Variants in PLAGL1 observed in about 807,000 individuals in gnomAD.
PLAGL1 encodes the protein zinc finger protein PLAGL1.
In PLAGL1, 1 loss-of-function variant was observed where a neutral mutation model predicts 4.6. The ratio of observed to expected loss-of-function variants is 0.22; its 90% CI spans 0.08 to 1.03. The LOEUF (loss-of-function observed/expected upper bound fraction) is 1.03. Ranked by LOEUF, PLAGL1 falls within the 50% of genes least tolerant of loss-of-function variation. The pLI is 0.58. For missense variants in PLAGL1, 464 were observed against 570.4 expected, an observed-to-expected ratio of 0.81 and a Z score of 1.90; for synonymous variants, 240 against 237.8, an observed-to-expected ratio of 1.01 and a Z score of -0.08.
chr6:143,998,138 T>C lies in PLAGL1; in HGVS notation c.-584+9952A>G, dbSNP rs867732909. ...CCAAAATTAGAATATTCAAACCTTA[T>C]TCATTAGTATCAACAAAAACTTGGA... On this transcript the variant is annotated intron_variant, in intron 1 of 7. Coordinates refer to ENST00000674357, the MANE Select transcript of PLAGL1 (RefSeq NM_001317162.2). 4.6e-5 allele frequency among the ~76,000 whole-genome samples: 7 copies of C among 152,172 alleles called. No homozygotes were observed. In the South Asian group the frequency reaches 1.4e-3, roughly 32 times the overall value.
chr6:143,977,699 C>A (rs1218979333), intron 2 of PLAGL1, among the ~76,000 whole-genome samples: 1 of 151,924 alleles, frequency 6.6e-6, no homozygotes, highest in African/African-American at 2.4e-5. Context: ...ACAGTTTCAC[C>A]ATGTTGGCCA....
At chr6:144,011,158 C>G (rs76311854), upstream of PLAGL1, among the ~76,000 whole-genome samples, 36,697 of 152,000 alleles carry the variant, frequency 0.24, 4,628 homozygotes, top group Admixed American at 0.35. The surrounding 1 kb of genome is among the most constrained non-coding windows in gnomAD (Gnocchi z 4.3). Context: ...TATCATCAGA[C>G]TGAACAGGCA....
chr6:144,032,956 T>C (rs1796941002), intron 1 of PLAGL1, among the ~76,000 whole-genome samples: 1 of 152,202 alleles, frequency 6.6e-6, no homozygotes, highest in Non-Finnish European at 1.5e-5. Context: ...AATAGACATG[T>C]GATAGATAAT....
At position 143,991,191 on chromosome 6, in the gene PLAGL1, G is replaced by A. The variant is rs375919889; in HGVS notation, c.-583-6017C>T. On this transcript the variant is annotated intron_variant, in intron 1 of 7. Coordinates refer to ENST00000674357, the MANE Select transcript of PLAGL1 (RefSeq NM_001317162.2). ...GCTATGAAGAAACACCTCAGAAACT[G>A]ACTTATATATCATAATGGAACTTTA... Among the ~76,000 whole-genome samples, 11 of 152,304 alleles carry A rather than the reference G, an allele frequency of 7.2e-5. No homozygotes were observed. In the South Asian group the frequency reaches 2.1e-3, roughly 29 times the overall value.
In PLAGL1 at chr6:143,942,162, G is replaced by C. The variant is rs370449852; in HGVS notation, c.654C>G (p.Thr218=). ...TGTGGAAGGTGCTCAGAAGGTCTCC[G>C]GTCTGCAAGCTCTCTTTCATCAGCT... is the stretch of plus-strand genomic sequence containing the variant. ...SQELMKESLQ[T]GDLLSTFHTI... The change falls in exon 8 of 8, where the codon ACC becomes ACG. Residue 218 remains threonine, a synonymous_variant. Coordinates refer to ENST00000674357, the MANE Select transcript of PLAGL1 (RefSeq NM_001317162.2). This position sits in a 1 kb window ranked among gnomAD's most constrained non-coding sequence, Gnocchi z 7.6. The C allele has an allele frequency of 3.7e-6, 6 of 1,614,158 alleles. No homozygotes were observed. The South Asian group carries it at 6.6e-5, about 18-fold the overall frequency.
rs1340276487 is a variant in PLAGL1, at chr6:144,022,842, C to T, written c.-151+41626G>A. 2.0e-5 allele frequency among the ~76,000 whole-genome samples: 3 copies of T among 152,286 alleles called. No homozygotes were observed. The highest frequency in any genetic ancestry group is 3.4e-3 in the Middle Eastern group (1 of 294). ...GTCTTTATTGCAGCATGAGAACAGA[C>T]TAATACACACAGACTTCCCATACTA... On this transcript the variant is annotated intron_variant, in intron 1 of 3. Coordinates refer to the PLAGL1 transcript ENST00000437412. This position sits in a 1 kb window ranked among gnomAD's most constrained non-coding sequence, Gnocchi z 4.2.
rs977543674 is a variant in PLAGL1, at chr6:143,949,554, A to G, written c.-324-1094T>C. Among the ~76,000 whole-genome samples the G allele has an allele frequency of 3.9e-5, 6 of 152,146 alleles. No homozygotes were observed. The highest frequency in any genetic ancestry group is 8.8e-5 in the Non-Finnish European group (6 of 68,030). ...TTCAAATCGGCCTCTACCTGCCACT[A>G]CCTGCCAGGGTAAAGCCCTGGATCA... is the stretch of plus-strand genomic sequence containing the variant. On this transcript the variant is annotated intron_variant, in intron 6 of 7. Transcript: ENST00000674357. This position sits in a 1 kb window ranked among gnomAD's most constrained non-coding sequence, Gnocchi z 5.3.
chr6:144,049,497 G>A (rs1216857945), intron 1 of PLAGL1, among the ~76,000 whole-genome samples: 3 of 152,210 alleles, frequency 2.0e-5, no homozygotes, highest in African/African-American at 7.2e-5. Context: ...GAGGCATCAG[G>A]AAACTTACAA....
intron 1 of PLAGL1, among the ~76,000 whole-genome samples, chr6:144,052,268 G>C: frequency 6.6e-6 from 1 of 152,162 alleles, no homozygotes; most frequent in East Asian, 1.9e-4. Context: ...ACCAAAGAAG[G>C]AGCAATCAGT....
At chr6:144,008,934 G>A (rs1239290849), upstream of PLAGL1, 2 of 152,186 alleles carry the variant, frequency 1.3e-5, no homozygotes, top group Non-Finnish European at 2.9e-5. This position sits in a 1 kb window ranked among gnomAD's most constrained non-coding sequence, Gnocchi z 6.9. Context: ...ATCACACTAC[G>A]TCTGCTTCAT....
At position 143,970,957 on chromosome 6, in the gene PLAGL1, G is replaced by A. The variant is rs542867791; in HGVS notation, c.-543-1979C>T. ...CTGCTGAAAGCTGAAACATCAAATG[G>A]AAAAGTGCAGTTTGATTTCCTACAT... On this transcript the variant is annotated intron_variant, in intron 2 of 7. Transcript: ENST00000674357. The surrounding 1 kb of genome is among the most constrained non-coding windows in gnomAD (Gnocchi z 5.8). 4.5e-4 allele frequency among the ~76,000 whole-genome samples: 69 copies of A among 152,186 alleles called. No individual in the cohort carries two copies. Among genetic ancestry groups the A allele is most frequent in the Middle Eastern group, 3.4e-3 (1 of 294 alleles).
intron 1 of PLAGL1, among the ~76,000 whole-genome samples, chr6:144,017,214 C>T (rs935336964): frequency 2.6e-5 from 4 of 151,896 alleles, no homozygotes; most frequent in Admixed American, 6.6e-5. Context: ...TTTTTTAAAG[C>T]GCATCGCTTC....
rs1778948819 is a variant in PLAGL1 at position 143,942,894 on chromosome 6, C to G, written c.153-231G>C. On this transcript the variant is annotated intron_variant, in intron 7 of 7. Transcript: ENST00000674357. This position sits in a 1 kb window ranked among gnomAD's most constrained non-coding sequence, Gnocchi z 7.6. ...TATAAAACGTTTTTTGAGACAGGAT[C>G]TGACTCTTTTGCCCAGGCTGGAGTG... Among the ~76,000 whole-genome samples, 1 of 151,478 alleles carries G rather than the reference C, an allele frequency of 6.6e-6. No individual in the cohort carries two copies. The highest frequency in any genetic ancestry group is 2.4e-5 in the African/African-American group (1 of 40,820).
chr6:144,029,973 A>G (rs1796674560), intron 1 of PLAGL1, among the ~76,000 whole-genome samples: 1 of 152,080 alleles, frequency 6.6e-6, no homozygotes. Context: ...ATAAATTTTG[A>G]CTGGGCGCGG....
chr6:143,948,899 G>A lies in PLAGL1; in HGVS notation c.-324-439C>T, dbSNP rs1780409565. On this transcript the variant is annotated intron_variant, in intron 6 of 7. Transcript: ENST00000674357. The surrounding 1 kb of genome is among the most constrained non-coding windows in gnomAD (Gnocchi z 6.0). Reference sequence around the variant, plus strand: ...GGGCTCTTCCTCATCACTCATTGTTGGCATAACATTAGTTGCTTATCACAC... The same window carrying A: ...GGGCTCTTCCTCATCACTCATTGTTAGCATAACATTAGTTGCTTATCACAC... Among the ~76,000 whole-genome samples, 1 of 152,158 alleles carries A rather than the reference G, an allele frequency of 6.6e-6. No homozygotes were observed. Among genetic ancestry groups the A allele is most frequent in the Non-Finnish European group, 1.5e-5 (1 of 68,042 alleles).
chr6:144,028,624 C>A (rs936104792), intron 1 of PLAGL1, among the ~76,000 whole-genome samples: 1 of 152,198 alleles, frequency 6.6e-6, no homozygotes, highest in Non-Finnish European at 1.5e-5. Context: ...ACATTCCCTG[C>A]AATCCTGATA....
At chr6:144,041,503 G>A (rs551951037) in intron 1 of PLAGL1, among the ~76,000 whole-genome samples, 12 of 152,102 alleles carry the variant, frequency 7.9e-5, no homozygotes, top group Non-Finnish European at 1.5e-4. Flanking sequence ...CCCTAAAAAG[G>A]ACATGAACTC....
chr6:143,956,205 T>A (rs1170038767), intron 6 of PLAGL1, among the ~76,000 whole-genome samples: 4 of 152,204 alleles, frequency 2.6e-5, no homozygotes, highest in Admixed American at 2.0e-4. Flanking sequence ...AATGTTTTCC[T>A]CCTAGAGTGG....
Position 144,055,964 on chromosome 6 carries a change from A to G in PLAGL1, c.-151+8504T>C, listed in dbSNP as rs1798933834. On this transcript the variant is annotated intron_variant, in intron 1 of 3. Transcript: ENST00000437412. This position sits in a 1 kb window ranked among gnomAD's most constrained non-coding sequence, Gnocchi z 5.0. The stretch of plus-strand genomic sequence containing the variant: ...TAGTAGTGCTCTTACTTTTGAAAGC[A>G]GATCCACCCTTTTCATAATGATATA... 6.6e-6 allele frequency among the ~76,000 whole-genome samples: 1 copy of G among 152,184 alleles called. No individual in the cohort carries two copies. Among genetic ancestry groups the G allele is most frequent in the Non-Finnish European group, 1.5e-5 (1 of 68,034 alleles).
Sources: allele counts gnomAD v4.1 joint callset (sites outside exome capture counted in the v4.1 genomes callset), GRCh38; gene constraint gnomAD v4.1.1; non-coding constraint Gnocchi (gnomAD v3.1); transcripts MANE v1.5; gene names NCBI Gene and HGNC (gene_info 2026-07-23, HGNC 2026-07-21).